The following TMEM184B variants were observed in gnomAD, a reference collection of about 807,000 sequenced individuals.
TMEM184B encodes putative MAPK-activating protein FM08.
Under a neutral mutation model 41.8 loss-of-function variants are expected in TMEM184B, and 17 were observed. The ratio of observed to expected loss-of-function variants is 0.41; its 90% confidence interval spans 0.28 to 0.61. The LOEUF (loss-of-function observed/expected upper bound fraction) is 0.61. TMEM184B is among the 20% of genes least tolerant of loss of function. The pLI, the probability that TMEM184B is intolerant of heterozygous loss-of-function variation, is 0.34. For missense variants in TMEM184B, 393 were observed against 557.8 expected (o/e 0.70, Z 2.98); for synonymous variants, 240 against 229.5 (o/e 1.05, Z -0.41).
chr22:38,256,274 G>A (rs1477689564), intron 1 of TMEM184B, among the ~76,000 whole-genome samples: 1 of 150,876 alleles, frequency 6.6e-6, no homozygotes, highest in Non-Finnish European at 1.5e-5. Context: ...GTGCAGTGGT[G>A]TGATCTTCAA....
intron 1 of TMEM184B, among the ~76,000 whole-genome samples, chr22:38,249,318 T>G (rs1046879722): frequency 4.6e-5 from 7 of 152,136 alleles, no homozygotes; most frequent in African/African-American, 1.7e-4. Flanking sequence ...CTGGCTAATT[T>G]TCTAATTTTT....
In TMEM184B at chr22:38,258,650, C is replaced by CT. The variant is rs1300425953; in HGVS notation, c.-58-10632dup. Among the ~76,000 whole-genome samples, 5 of 152,120 alleles carry CT rather than the reference C, an allele frequency of 3.3e-5. No individual in the cohort carries two copies. In the East Asian group the frequency reaches 9.6e-4, roughly 29 times the overall value. The stretch of plus-strand genomic sequence containing the variant: ...TATGCTGCTAGACACAGTGACACTC[C>CT]TGGAAGGGTGGGTGCAACACCCCAA... On this transcript the variant is annotated intron_variant, in intron 1 of 8. Transcript: ENST00000361906.
chr22:38,264,905 G>A (rs1030049222), intron 1 of TMEM184B, among the ~76,000 whole-genome samples: 3 of 152,154 alleles, frequency 2.0e-5, no homozygotes, highest in Admixed American at 6.5e-5. Flanking sequence ...TGACTGAGAC[G>A]GCCAGGCACT....
rs115914817 is a variant in TMEM184B, at chr22:38,269,454, G to A, written c.-59+3430C>T. 3.4e-3 allele frequency among the ~76,000 whole-genome samples: 523 copies of A among 152,188 alleles called. 2 individuals are homozygous for A. The highest frequency in any genetic ancestry group is 0.012 in the African/African-American group (486 of 41,538). ...TGGTCTCAAATTCCTGACCTCAGGC[G>A]ACCTGCCCACCTCAGCCTCCCAAAG... is the stretch of plus-strand genomic sequence containing the variant. On this transcript the variant is annotated intron_variant, in intron 1 of 8. Transcript: ENST00000361906.
rs565479502 is a variant in TMEM184B at position 38,243,081 on chromosome 22, G to A, written c.358+2854C>T. Reference sequence around the variant, plus strand: ...AAAAAAAAAAAAAGCTGGTGAACTCGGGGGCAGCCTGAACTTCACTGCAGC... The same window carrying A: ...AAAAAAAAAAAAAGCTGGTGAACTCAGGGGCAGCCTGAACTTCACTGCAGC... On this transcript the variant is annotated intron_variant, in intron 3 of 8. Coordinates refer to ENST00000361906, the MANE Select transcript of TMEM184B (RefSeq NM_012264.5). Among the ~76,000 whole-genome samples, 14 of 149,410 alleles carry A rather than the reference G, an allele frequency of 9.4e-5. No homozygotes were observed. The East Asian group carries it at 2.2e-3, about 23-fold the overall frequency.
Position 38,220,864 on chromosome 22 carries a change from T to G in TMEM184B, c.*605A>C. On this transcript the variant is annotated 3_prime_UTR_variant, in exon 9 of 9. Transcript: ENST00000361906. ...GCCCAGGGGCCCTGAATGCCCTTCC[T>G]GGGTGGGGCCTGTGACTCCTGGTGT... 1 of 986,144 alleles carries G rather than the reference T, an allele frequency of 1.0e-6. No individual in the cohort carries two copies. The highest frequency in any genetic ancestry group is 1.2e-6 in the Non-Finnish European group (1 of 830,134). The allele number at this position is 986,144 out of a possible 1,614,324, so 61.1% of individuals were successfully genotyped here. A position where few individuals can be genotyped will look rare whatever the true frequency, so the allele number is the denominator to read the frequency against.
At chr22:38,269,142 T>A (rs892229059) in intron 1 of TMEM184B, among the ~76,000 whole-genome samples, 3 of 152,208 alleles carry the variant, frequency 2.0e-5, no homozygotes, top group Non-Finnish European at 2.9e-5. Context: ...TTAAATTGCA[T>A]CTCCCAATTC....
chr22:38,259,655 T>C (rs752563175), intron 1 of TMEM184B, among the ~76,000 whole-genome samples: 5 of 152,256 alleles, frequency 3.3e-5, no homozygotes, highest in Non-Finnish European at 5.9e-5. Context: ...AGTATGGCCC[T>C]GCCAACACCT....
intron 1 of TMEM184B, among the ~76,000 whole-genome samples, chr22:38,260,057 C>T (rs887371098): frequency 2.6e-5 from 4 of 151,490 alleles, no homozygotes; most frequent in Non-Finnish European, 5.9e-5. Context: ...ACTACAGGCG[C>T]GTGCCACCAC....
At position 38,224,805 on chromosome 22, in the gene TMEM184B, T is replaced by C. The variant is rs560026356; in HGVS notation, c.962A>G (p.Asp321Gly). 1 of 1,606,038 alleles carries C rather than the reference T, an allele frequency of 6.2e-7. No individual in the cohort carries two copies. The highest frequency in any genetic ancestry group is 2.2e-5 in the East Asian group (1 of 44,536). ...CATACCTTGTGCGTCCAGCCTCTTG[T>C]CAGCATAGACCTTGTAGGTGAAGGC... The part of the protein sequence containing the change: ...RHAFTYKVYA[D>G]KRLDAQGRCA... Residue 321 changes from aspartate to glycine, a missense_variant, in exon 8 of 9, where the codon GAC becomes GGC. By Grantham distance (94) the Asp-to-Gly change is moderately conservative. Around this residue, in one of 2 missense-constraint regions of TMEM184B, gnomAD observed 271 missense variants for 434.1 expected, o/e 0.62. Coordinates refer to ENST00000361906, the MANE Select transcript of TMEM184B (RefSeq NM_012264.5).
In TMEM184B at chr22:38,225,888, G is replaced by A. The variant is rs776520674; in HGVS notation, c.618-295C>T. ...CAGTGTGGAAGCCAGGGCCGGGCCC[G>A]AGGCCATAGCCTGACACTCAGATAA... On this transcript the variant is annotated intron_variant, in intron 6 of 8. Coordinates refer to ENST00000361906, the MANE Select transcript of TMEM184B (RefSeq NM_012264.5). This position sits in a 1 kb window ranked among gnomAD's most constrained non-coding sequence, Gnocchi z 4.4. 1.3e-5 allele frequency among the ~76,000 whole-genome samples: 2 copies of A among 152,152 alleles called. No homozygotes were observed. Among genetic ancestry groups the A allele is most frequent in the Non-Finnish European group, 2.9e-5 (2 of 68,022 alleles).
intron 1 of TMEM184B, among the ~76,000 whole-genome samples, chr22:38,263,122 C>T (rs2092395273): frequency 6.6e-6 from 1 of 152,104 alleles, no homozygotes; most frequent in African/African-American, 2.4e-5. Context: ...AGGCTGGTCT[C>T]GAACCCCTCA....
At chr22:38,235,781 T>C (rs1271310603) in intron 3 of TMEM184B, among the ~76,000 whole-genome samples, 1 of 152,132 alleles carries the variant, frequency 6.6e-6, no homozygotes, top group Non-Finnish European at 1.5e-5. Flanking sequence ...GTGTTTAAAA[T>C]GGAAAACTCA....
chr22:38,259,718 T>A (rs866508491), intron 1 of TMEM184B, among the ~76,000 whole-genome samples: 1 of 152,232 alleles, frequency 6.6e-6, no homozygotes, highest in African/African-American at 2.4e-5. Flanking sequence ...AACTGTGAGA[T>A]AATTAATGTG....
chr22:38,246,139 G>A (rs1431690195), intron 2 of TMEM184B, 39 bp from the exon 3 acceptor site: 1 of 1,595,216 alleles, frequency 6.3e-7, no homozygotes, highest in South Asian at 1.1e-5. Flanking sequence ...GGACCCTCCT[G>A]TCCACAGGGA....
At chr22:38,217,903 G>A (rs558621915), downstream of TMEM184B, among the ~76,000 whole-genome samples, 1 of 151,924 alleles carries the variant, frequency 6.6e-6, no homozygotes, top group South Asian at 2.1e-4. Context: ...TTGAGCCCAG[G>A]AGTTTGAGGC....
At chr22:38,245,638 C>T (rs979913802) in intron 3 of TMEM184B, among the ~76,000 whole-genome samples, 1 of 141,784 alleles carries the variant, frequency 7.1e-6, no homozygotes, top group African/African-American at 2.6e-5. Flanking sequence ...CCTGAGACGC[C>T]AGCATTGAGA....
In TMEM184B at chr22:38,247,914, C is replaced by A; in HGVS notation, c.48G>T (p.Thr16=). ...AGACGCTGGGCGAGGCTGCTGCGGT[C>A]GTGGGCGACGCTGGATCCGGGGCCA... The part of the protein sequence containing the change: ...DVLAPDPASP[T]TAAASPSVSV... The change falls in exon 2 of 9, where the codon ACG becomes ACT. Residue 16 remains threonine (T), a synonymous_variant. Coordinates refer to ENST00000361906, the MANE Select transcript of TMEM184B (RefSeq NM_012264.5). The A allele has an allele frequency of 6.2e-7, 1 of 1,603,112 alleles. No individual in the cohort carries two copies. Among genetic ancestry groups the A allele is most frequent in the South Asian group, 1.1e-5 (1 of 89,642 alleles).
intron 3 of TMEM184B, among the ~76,000 whole-genome samples, chr22:38,232,843 C>T (rs536541305): frequency 6.6e-6 from 1 of 152,330 alleles, no homozygotes; most frequent in East Asian, 1.9e-4. Flanking sequence ...ACTCCCAGAT[C>T]CCAGAGGTTC....
Sources: gnomAD v4.1 joint callset for allele counts (sites outside exome capture counted in the v4.1 genomes callset) on GRCh38, gnomAD v4.1.1 for gene constraint, gnomAD v4.1.1 regional missense constraint, Gnocchi (gnomAD v3.1) non-coding constraint, MANE v1.5 for transcripts, NCBI Gene and HGNC (gene_info 2026-07-23, HGNC 2026-07-21) for gene names.